DEFB106B: variants seen among roughly 807,000 people sequenced by gnomAD.
DEFB106B encodes beta-defensin 106.
chr8:7,482,915 TTCAGTC>T (rs1476845418), intron 1 of DEFB106B, among the ~76,000 whole-genome samples, 163 bp from the exon 2 acceptor site: 3 of 149,776 alleles, frequency 2.0e-5, no homozygotes, highest in African/African-American at 7.5e-5. Flanking sequence ...TATCTGATAT[TTCAGTC>T]TCATAGTCAC....
intron 1 of DEFB106B, among the ~76,000 whole-genome samples, 154 bp from the exon 2 acceptor site, chr8:7,482,906 A>G (rs1425047724): frequency 6.7e-6 from 1 of 149,752 alleles, no homozygotes; most frequent in African/African-American, 2.5e-5. Context: ...CCTGATTTTT[A>G]TCTGATATTT....
chr8:7,483,841 C>G (rs1811372165), intron 1 of DEFB106B, among the ~76,000 whole-genome samples: 1 of 133,228 alleles, frequency 7.5e-6, no homozygotes. Context: ...TTAGTATATA[C>G]TATAAAAATA....
At chr8:7,484,367 A>G (rs1237690614) in intron 1 of DEFB106B, among the ~76,000 whole-genome samples, 49 of 147,118 alleles carry the variant, frequency 3.3e-4, no homozygotes, top group Admixed American at 2.9e-3. Context: ...CTAGTGTATT[A>G]TACTAGTATA....
intron 1 of DEFB106B, among the ~76,000 whole-genome samples, chr8:7,484,237 T>C (rs1338421890): frequency 2.2e-5 from 3 of 134,116 alleles, no homozygotes; most frequent in African/African-American, 8.6e-5. Context: ...ATATACACTA[T>C]ACTATATACT....
rs201982175 is a variant in DEFB106B, at chr8:7,482,567, G to A, written c.*37C>T. On this transcript the variant is annotated 3_prime_UTR_variant, in exon 2 of 2. Transcript: ENST00000335479. Reference sequence around the variant, plus strand: ...AGAGGCAAGAGTAAAAAGAAGCTAGGTTATGTATGCTTCTCTGGAAACCTA... The same window carrying A: ...AGAGGCAAGAGTAAAAAGAAGCTAGATTATGTATGCTTCTCTGGAAACCTA... The A allele has an allele frequency of 1.7e-3, 1,515 of 915,546 alleles. 5 individuals carry two copies. Among genetic ancestry groups the A allele is most frequent in the South Asian group, 2.7e-3 (147 of 54,582 alleles). 56.7% of individuals were successfully genotyped at this position (915,546 alleles called of 1,614,324 possible). A position where few individuals can be genotyped will look rare whatever the true frequency, so the allele number is the denominator to read the frequency against.
intron 1 of DEFB106B, among the ~76,000 whole-genome samples, chr8:7,484,564 A>G (rs1488786461): frequency 1.4e-5 from 2 of 139,058 alleles, no homozygotes; most frequent in East Asian, 2.1e-4. Flanking sequence ...ACTACTAGTA[A>G]TAATATACTA....
In DEFB106B at chr8:7,483,837, T is replaced by G. The variant is rs1485506146; in HGVS notation, c.50-1085A>C. 2.5e-4 allele frequency among the ~76,000 whole-genome samples: 33 copies of G among 130,724 alleles called. 1 individual carries two copies. The highest frequency in any genetic ancestry group is 1.2e-3 in the Admixed American group (15 of 12,594). 85.8% of individuals were successfully genotyped at this position (130,724 alleles called of 152,430 possible). A position where few individuals can be genotyped will look rare whatever the true frequency, so the allele number is the denominator to read the frequency against. ...TATAGTATCATAGTATAGATTAGTA[T>G]ATACTATAAAAATACTAGTATTATA... On this transcript the variant is annotated intron_variant, in intron 1 of 1. Transcript: ENST00000335479.
intron 1 of DEFB106B, among the ~76,000 whole-genome samples, chr8:7,485,441 G>C (rs2740039): frequency 0.18 from 24,914 of 138,002 alleles, 2 homozygotes; most frequent in East Asian, 0.26. Flanking sequence ...ATCATACCTG[G>C]GATCGTATAT....
In DEFB106B at chr8:7,484,177, G is replaced by A. The variant is rs1811390451; in HGVS notation, c.50-1425C>T. ...TATATATACTATACTATATATTAGT[G>A]TATTATACTAGTATATACACTATAC... On this transcript the variant is annotated intron_variant, in intron 1 of 1. Transcript: ENST00000335479. Among the ~76,000 whole-genome samples the A allele has an allele frequency of 4.1e-5, 5 of 120,928 alleles. No homozygotes were observed. In the Admixed American group the frequency reaches 4.4e-4, roughly 11 times the overall value. The allele number at this position is 120,928 out of a possible 152,430, so 79.3% of individuals were successfully genotyped here.
At position 7,485,042 on chromosome 8, in the gene DEFB106B, A is replaced by G. The variant is rs1233272537; in HGVS notation, c.49+1292T>C. The stretch of plus-strand genomic sequence containing the variant: ...AACCAAAAAGATTTTCTCTAATACT[A>G]TTGTATTATAGTATTATACTCTAGT... On this transcript the variant is annotated intron_variant, in intron 1 of 1. Coordinates refer to ENST00000335479, the MANE Select transcript of DEFB106B (RefSeq NM_001040704.2). Among the ~76,000 whole-genome samples the G allele has an allele frequency of 1.6e-4, 11 of 67,026 alleles. No homozygotes were observed. The East Asian group carries it at 3.7e-3, about 23-fold the overall frequency. 44.0% of individuals were successfully genotyped at this position (67,026 alleles called of 152,430 possible).
intron 1 of DEFB106B, among the ~76,000 whole-genome samples, chr8:7,485,013 A>G (rs1167550743): frequency 1.5e-5 from 1 of 67,158 alleles, no homozygotes; most frequent in African/African-American, 7.2e-5. Context: ...ATAATACTAA[A>G]CTAAACCAAA....
chr8:7,485,396 C>A (rs1811454649), intron 1 of DEFB106B, among the ~76,000 whole-genome samples: 1 of 150,386 alleles, frequency 6.6e-6, no homozygotes, highest in Non-Finnish European at 1.5e-5. Flanking sequence ...ACAAAACAGA[C>A]CAGAGCTATG....
At chr8:7,484,245 A>G (rs1247102359) in intron 1 of DEFB106B, among the ~76,000 whole-genome samples, 88 of 131,978 alleles carry the variant, frequency 6.7e-4, no homozygotes, top group African/African-American at 2.1e-3. Flanking sequence ...TATACTATAT[A>G]CTAGTGTATT....
At chr8:7,484,230 T>C (rs145506401) in intron 1 of DEFB106B, among the ~76,000 whole-genome samples, 22,136 of 127,874 alleles carry the variant, frequency 0.17, 497 homozygotes, top group Non-Finnish European at 0.22. Context: ...TACTAGTATA[T>C]ACACTATACT....
chr8:7,483,994 T>C (rs1216471283), intron 1 of DEFB106B, among the ~76,000 whole-genome samples: 1 of 126,300 alleles, frequency 7.9e-6, no homozygotes, highest in African/African-American at 3.0e-5. Flanking sequence ...TATATACTAG[T>C]GTATTATACT....
chr8:7,484,471 G>C (rs1204730626), intron 1 of DEFB106B, among the ~76,000 whole-genome samples: 2 of 139,356 alleles, frequency 1.4e-5, no homozygotes, highest in Admixed American at 1.5e-4. Context: ...CTATATACTA[G>C]AGTATTATAC....
intron 1 of DEFB106B, among the ~76,000 whole-genome samples, chr8:7,484,097 T>C (rs1280817603): frequency 1.3e-4 from 18 of 137,938 alleles, no homozygotes; most frequent in Non-Finnish European, 2.8e-4. Context: ...TATACTATAC[T>C]ATATACTAGA....
intron 1 of DEFB106B, among the ~76,000 whole-genome samples, chr8:7,484,755 C>T (rs533802286): frequency 2.5e-4 from 27 of 106,272 alleles, no homozygotes; most frequent in Non-Finnish European, 1.3e-4. Context: ...GCCTGTAATC[C>T]CAGCTACTCA....
intron 1 of DEFB106B, among the ~76,000 whole-genome samples, chr8:7,484,157 A>G (rs1222515897): frequency 1.8e-5 from 2 of 112,114 alleles, no homozygotes; most frequent in Admixed American, 1.0e-4. Flanking sequence ...AATAGTATAT[A>G]TACTATACTA....
Sources: allele counts gnomAD v4.1 joint callset (sites outside exome capture counted in the v4.1 genomes callset), GRCh38; gene constraint gnomAD v4.1.1; transcripts MANE v1.5; gene names NCBI Gene and HGNC (gene_info 2026-07-23, HGNC 2026-07-21).